The following TTLL5 variants were observed in gnomAD, a reference collection of about 807,000 sequenced individuals.
TTLL5 encodes tubulin polyglutamylase TTLL5.
A neutral mutation model predicts 168.4 loss-of-function variants in TTLL5; 132 were observed. That is an observed-to-expected ratio of 0.78 (90% confidence interval 0.68 to 0.91). The LOEUF (loss-of-function observed/expected upper bound fraction) is 0.91, where lower values mean the gene tolerates loss of function less well. Among genes scored for constraint, TTLL5 ranks in the 40% least tolerant of loss-of-function variants. TTLL5 has a pLI of 0.00. For synonymous variants in TTLL5, 546 were observed against 558.6 expected (o/e 0.98, Z 0.32); for missense variants, 1,545 against 1,581.5 (o/e 0.98, Z 0.39).
At chr14:75,684,056 G>A (rs1884837612) in intron 5 of TTLL5, 1 of 200,408 alleles carries the variant, frequency 5.0e-6, no homozygotes, top group Non-Finnish European at 1.0e-5. Flanking sequence ...TTACAGACAT[G>A]AGCCACCACG....
intron 2 of TTLL5, among the ~76,000 whole-genome samples, chr14:75,663,619 C>A (rs1324414367): frequency 6.6e-6 from 1 of 152,114 alleles, no homozygotes; most frequent in Admixed American, 6.5e-5. Flanking sequence ...TCTCAAAAGC[C>A]TTTACAATGA....
chr14:75,760,392 A>G (rs1018593975), intron 18 of TTLL5, among the ~76,000 whole-genome samples: 1 of 152,080 alleles, frequency 6.6e-6, no homozygotes, highest in African/African-American at 2.4e-5. Flanking sequence ...AAGAATTCAT[A>G]TAGTTAAAAT....
At chr14:75,816,983 T>TTTA (rs1894457421) in intron 27 of TTLL5, among the ~76,000 whole-genome samples, 1 of 143,562 alleles carries the variant, frequency 7.0e-6, no homozygotes, top group South Asian at 2.4e-4. Context: ...TATTTTTTTT[T>TTTA]TTTTTTTTTT....
intron 23 of TTLL5, among the ~76,000 whole-genome samples, chr14:75,778,805 ACTTT>A (rs1340809402): frequency 2.6e-5 from 4 of 152,312 alleles, no homozygotes; most frequent in African/African-American, 9.6e-5. Context: ...GTTTCCTTAT[ACTTT>A]CTATTTTGTG....
intron 29 of TTLL5, among the ~76,000 whole-genome samples, chr14:75,873,079 T>C (rs1189291699): frequency 1.3e-5 from 2 of 150,750 alleles, no homozygotes; most frequent in Non-Finnish European, 3.0e-5. Context: ...CAGAACTTTT[T>C]TTTTTTTTTT....
intron 3 of TTLL5, among the ~76,000 whole-genome samples, chr14:75,671,876 T>C (rs961299947): frequency 2.6e-5 from 4 of 152,224 alleles, no homozygotes; most frequent in African/African-American, 9.6e-5. Flanking sequence ...TTTCTTTTTC[T>C]TCCCTAATTG....
At chr14:75,868,105 GA>G (rs1224220788) in intron 29 of TTLL5, among the ~76,000 whole-genome samples, 1 of 152,136 alleles carries the variant, frequency 6.6e-6, no homozygotes, top group East Asian at 1.9e-4. Flanking sequence ...CTTGGCGCAG[GA>G]CAGAGCGATT....
chr14:75,821,250 G>A (rs532978998), intron 28 of TTLL5, among the ~76,000 whole-genome samples: 7 of 152,174 alleles, frequency 4.6e-5, no homozygotes, highest in African/African-American at 7.2e-5. Flanking sequence ...CATTGTGGTC[G>A]GGGCGAAAAG....
At chr14:75,848,129 G>A (rs772901153) in intron 28 of TTLL5, among the ~76,000 whole-genome samples, 2 of 151,948 alleles carry the variant, frequency 1.3e-5, no homozygotes, top group Non-Finnish European at 2.9e-5. Flanking sequence ...AAGGAAGGGG[G>A]CAGAGGCAGG....
chr14:75,848,494 T>C (rs1477450807), intron 28 of TTLL5, among the ~76,000 whole-genome samples: 1 of 150,582 alleles, frequency 6.6e-6, no homozygotes. Flanking sequence ...CAAAGACTTT[T>C]CCCTTGATTT....
At chr14:75,938,489 A>G (rs987728596) in intron 31 of TTLL5, among the ~76,000 whole-genome samples, 13 of 152,228 alleles carry the variant, frequency 8.5e-5, no homozygotes, top group Non-Finnish European at 1.6e-4. Context: ...GACTTTATGT[A>G]AATTGCCTGT....
At chr14:75,867,940 T>C (rs1454527285) in intron 29 of TTLL5, among the ~76,000 whole-genome samples, 1 of 152,176 alleles carries the variant, frequency 6.6e-6, no homozygotes, top group African/African-American at 2.4e-5. Context: ...AAGAAAACTT[T>C]TCTTTCAGCT....
intron 28 of TTLL5, among the ~76,000 whole-genome samples, chr14:75,825,603 T>C (rs1430987729): frequency 1.3e-5 from 2 of 152,162 alleles, no homozygotes; most frequent in African/African-American, 2.4e-5. Context: ...TTTTGTACTT[T>C]ATCCTGTTAT....
At chr14:75,781,932 G>T (rs1821831261) in intron 24 of TTLL5, among the ~76,000 whole-genome samples, 1 of 144,978 alleles carries the variant, frequency 6.9e-6, no homozygotes, top group Non-Finnish European at 1.5e-5. Context: ...TCCAGCCTAG[G>T]CAGCAACAAG....
At chr14:75,829,747 G>T (rs899378121) in intron 28 of TTLL5, among the ~76,000 whole-genome samples, 10 of 151,954 alleles carry the variant, frequency 6.6e-5, no homozygotes, top group African/African-American at 2.4e-4. Context: ...GTTAAGAAAT[G>T]GAACAAAAAA....
At chr14:75,904,003 G>A in intron 31 of TTLL5, 1 of 783,200 alleles carries the variant, frequency 1.3e-6, no homozygotes, top group Non-Finnish European at 1.6e-6. Flanking sequence ...ATATAGGGAA[G>A]GCGCTATAAC....
intron 30 of TTLL5, among the ~76,000 whole-genome samples, chr14:75,896,032 G>A (rs983552238): frequency 1.3e-5 from 2 of 152,168 alleles, no homozygotes; most frequent in African/African-American, 4.8e-5. Context: ...TAGATAATAT[G>A]CAGTATATTT....
intron 18 of TTLL5, among the ~76,000 whole-genome samples, chr14:75,760,563 C>G (rs539029819): frequency 3.3e-5 from 5 of 151,972 alleles, no homozygotes; most frequent in African/African-American, 1.2e-4. Context: ...CGTACTTGAC[C>G]TAAATACTGT....
chr14:75,689,686 G>A, intron 5 of TTLL5: 1 of 158,396 alleles, frequency 6.3e-6, no homozygotes, highest in Non-Finnish European at 1.4e-5. Context: ...ATGCAACAAT[G>A]ATACATTTCA....
Sources: gnomAD v4.1 joint callset for allele counts (sites outside exome capture counted in the v4.1 genomes callset) on GRCh38, gnomAD v4.1.1 for gene constraint, MANE v1.5 for transcripts, NCBI Gene and HGNC (gene_info 2026-07-23, HGNC 2026-07-21) for gene names.